TRA2B: variants seen among roughly 807,000 people sequenced by gnomAD.
TRA2B encodes transformer-2 protein homolog beta.
Under a neutral mutation model 41.7 loss-of-function variants are expected in TRA2B, and 14 were observed. The ratio of observed to expected loss-of-function variants is 0.34; its 90% CI spans 0.22 to 0.53. The LOEUF is 0.53. TRA2B is among the 20% of genes least tolerant of loss of function. TRA2B has a pLI of 0.95. For synonymous variants in TRA2B, 130 were observed against 128.8 expected, an observed-to-expected ratio of 1.01 and a Z score of -0.06; for missense variants, 167 against 396.8, an observed-to-expected ratio of 0.42 and a Z score of 4.92.
chr3:185,920,236 G>A (rs1743666390), intron 6 of TRA2B, among the ~76,000 whole-genome samples: 2 of 152,204 alleles, frequency 1.3e-5, no homozygotes, highest in Admixed American at 6.5e-5. Flanking sequence ...AGTGTACGAT[G>A]CATGCATTAA....
intron 2 of TRA2B, among the ~76,000 whole-genome samples, chr3:185,925,874 AC>A (rs1743929722): frequency 6.6e-6 from 1 of 152,246 alleles, no homozygotes; most frequent in Admixed American, 6.5e-5. Context: ...CTTATCTTTT[AC>A]AAATCAAGGC....
At chr3:185,919,909 A>G (rs1010362889) in intron 6 of TRA2B, among the ~76,000 whole-genome samples, 2 of 152,236 alleles carry the variant, frequency 1.3e-5, no homozygotes, top group Admixed American at 1.3e-4. Context: ...AATAATGCAC[A>G]AAATAGACAT....
At chr3:185,921,665 G>A (rs1028126472) in intron 5 of TRA2B, among the ~76,000 whole-genome samples, 1 of 152,218 alleles carries the variant, frequency 6.6e-6, no homozygotes, top group African/African-American at 2.4e-5. Flanking sequence ...TCGGGAGGCT[G>A]AGGCAGGAGA....
chr3:185,928,274 A>T (rs1196704668), intron 1 of TRA2B: 3 of 152,180 alleles, frequency 2.0e-5, no homozygotes, highest in African/African-American at 4.8e-5. Context: ...ATCCAGTAAA[A>T]TGAGTTCAGG....
rs1270519426 is a variant in TRA2B at position 185,937,905 on chromosome 3, G to A, written c.-45C>T. ...CGGTCGATGTGCTTCAATCGAAGCT[G>A]CCAACCTCTTGCACCTTCCTTAAGG... On this transcript the variant is annotated 5_prime_UTR_variant, in exon 1 of 9. Coordinates refer to ENST00000453386, the MANE Select transcript of TRA2B (RefSeq NM_004593.3). 2 of 1,611,820 alleles carry A rather than the reference G, an allele frequency of 1.2e-6. No homozygotes were observed. The highest frequency in any genetic ancestry group is 1.3e-5 in the African/African-American group (1 of 75,012).
chr3:185,927,328 A>G (rs1743989805), intron 1 of TRA2B: 1 of 152,230 alleles, frequency 6.6e-6, no homozygotes, highest in Non-Finnish European at 1.5e-5. Flanking sequence ...GTAAAACCCT[A>G]TTGCATCTAA....
chr3:185,920,901 TC>T (rs1246989436), intron 6 of TRA2B, among the ~76,000 whole-genome samples: 1 of 152,186 alleles, frequency 6.6e-6, no homozygotes, highest in African/African-American at 2.4e-5. Context: ...CCATTTATAT[TC>T]TAGAATATTT....
chr3:185,926,314 CACA>C (rs1291328727), intron 2 of TRA2B, among the ~76,000 whole-genome samples: 11 of 150,454 alleles, frequency 7.3e-5, no homozygotes, highest in Admixed American at 7.3e-4. Flanking sequence ...AGTAAATCCT[CACA>C]ACAACCCTGA....
chr3:185,925,001 A>C (rs999141151), intron 3 of TRA2B: 2 of 152,774 alleles, frequency 1.3e-5, no homozygotes, highest in East Asian at 3.9e-4. Context: ...TGGATTATAC[A>C]GTGAAATCAC....
chr3:185,925,877 A>C (rs369125791), intron 2 of TRA2B, among the ~76,000 whole-genome samples: 1 of 152,324 alleles, frequency 6.6e-6, no homozygotes, highest in Admixed American at 6.5e-5. Context: ...ATCTTTTACA[A>C]ATCAAGGCAC....
At chr3:185,921,830 T>A (rs1387799760) in intron 5 of TRA2B, among the ~76,000 whole-genome samples, 181 bp downstream of exon 5, 4 of 152,128 alleles carry the variant, frequency 2.6e-5, no homozygotes, top group Non-Finnish European at 5.9e-5. Context: ...TGACTAAGAT[T>A]TAGTTTTACC....
rs1743915936 is a variant in TRA2B at position 185,925,598 on chromosome 3, G to A, written c.199C>T (p.His67Tyr). 1 of 1,613,764 alleles carries A rather than the reference G, an allele frequency of 6.2e-7. No individual in the cohort carries two copies. Among genetic ancestry groups the A allele is most frequent in the Admixed American group, 1.7e-5 (1 of 59,936 alleles). ...GAGCGAGACCGTGACCGGGTATAAT[G>A]CCTTCGGGAGCTTCTTCTGGATCTA... ...RSRSRRSSRR[H>Y]YTRSRSRSRS... The change falls in exon 3 of 9, where the codon CAT becomes TAT. Residue 67 changes from histidine (H) to tyrosine (Y), a missense_variant. Physicochemically the swap from His to Tyr is moderately conservative, Grantham distance 83 (BLOSUM62 2). Coordinates refer to ENST00000453386, the MANE Select transcript of TRA2B (RefSeq NM_004593.3).
At chr3:185,927,553 A>T (rs1381491600) in intron 1 of TRA2B, 1 of 152,300 alleles carries the variant, frequency 6.6e-6, no homozygotes, top group Non-Finnish European at 1.5e-5. Context: ...CAGCTAAATC[A>T]GGAGCTCCTA....
Position 185,918,511 on chromosome 3 carries a change from T to C in TRA2B, c.783-73A>G, listed in dbSNP as rs767268821. 9 of 1,022,074 alleles carry C rather than the reference T, an allele frequency of 8.8e-6. No individual in the cohort carries two copies. The African/African-American group carries it at 1.3e-4, about 15-fold the overall frequency. 63.3% of individuals were successfully genotyped at this position (1,022,074 alleles called of 1,614,324 possible). A position where few individuals can be genotyped will look rare whatever the true frequency, so the allele number is the denominator to read the frequency against. On this transcript the variant is annotated intron_variant, in intron 7 of 8. Coordinates refer to ENST00000453386, the MANE Select transcript of TRA2B (RefSeq NM_004593.3). ...GACCAAACATATAAATTTATGACTA[T>C]ATATACTGCCCTTTCATCAGTTCCC...
In TRA2B at chr3:185,926,477, CTTCTAGTACCAATAT is replaced by C. The variant is rs1431027269; in HGVS notation, c.170+109_170+123del. 21 of 1,321,484 alleles carry C rather than the reference CTTCTAGTACCAATAT, an allele frequency of 1.6e-5. No individual in the cohort carries two copies. The Admixed American group carries it at 4.4e-4, about 27-fold the overall frequency. The allele number at this position is 1,321,484 out of a possible 1,614,324, so 81.9% of individuals were successfully genotyped here. A position where few individuals can be genotyped will look rare whatever the true frequency, so the allele number is the denominator to read the frequency against. On this transcript the variant is annotated intron_variant, in intron 2 of 8. Transcript: ENST00000453386. ...TCTTGCCTCCCAGAACTTAAGTTCACTTCTAGTACCAATATTTAATAGGCCAACAAATAATCTAAC... is the reference window on the plus strand; with the variant it reads ...TCTTGCCTCCCAGAACTTAAGTTCACTTAATAGGCCAACAAATAATCTAAC...
intron 1 of TRA2B, chr3:185,931,534 T>C (rs1744154951): frequency 3.5e-6 from 4 of 1,136,420 alleles, no homozygotes; most frequent in Non-Finnish European, 4.3e-6. Context: ...TGCATGCATG[T>C]TTAGCAAAAT....
At chr3:185,929,654 TTC>T (rs1239955553) in intron 1 of TRA2B, among the ~76,000 whole-genome samples, 1 of 152,210 alleles carries the variant, frequency 6.6e-6, no homozygotes, top group Non-Finnish European at 1.5e-5. Flanking sequence ...CATCTCCCTA[TTC>T]TGAGAACAGC....
chr3:185,934,920 CTTT>C (rs1744291675), intron 1 of TRA2B: 1 of 985,240 alleles, frequency 1.0e-6, no homozygotes, highest in Non-Finnish European at 1.2e-6. Flanking sequence ...AAAACATTTT[CTTT>C]AACATCTGGT....
chr3:185,932,177 T>C (rs772623450), intron 1 of TRA2B, among the ~76,000 whole-genome samples: 9 of 152,166 alleles, frequency 5.9e-5, no homozygotes, highest in South Asian at 2.1e-4. Context: ...CAATAGAAAA[T>C]AGGTTAAGTG....
Sources: allele counts gnomAD v4.1 joint callset (sites outside exome capture counted in the v4.1 genomes callset), GRCh38; gene constraint gnomAD v4.1.1; transcripts MANE v1.5; gene names NCBI Gene and HGNC (gene_info 2026-07-23, HGNC 2026-07-21).